ZNF333: variants seen among roughly 807,000 people sequenced by gnomAD.
The protein encoded by ZNF333 is zinc finger protein 333.
A neutral mutation model predicts 76.1 loss-of-function variants in ZNF333; 61 were observed. That is an observed-to-expected ratio of 0.80 (90% confidence interval 0.65 to 0.99). The LOEUF is 0.99. ZNF333 is among the 50% of genes least tolerant of loss of function. The pLI is 0.00. For missense variants in ZNF333, 717 were observed against 822.4 expected, an observed-to-expected ratio of 0.87 and a Z score of 1.57; for synonymous variants, 284 against 305.0, an observed-to-expected ratio of 0.93 and a Z score of 0.72.
chr19:14,727,510 T>C (rs987641782), intron 11 of ZNF333, among the ~76,000 whole-genome samples: 1 of 152,070 alleles, frequency 6.6e-6, no homozygotes, highest in Non-Finnish European at 1.5e-5. Context: ...CCATACTCTT[T>C]TAAACAACCT....
rs113959603 is a variant in ZNF333, at chr19:14,712,225, G to GT, written c.512-3145dup. 4.5e-3 allele frequency among the ~76,000 whole-genome samples: 643 copies of GT among 143,772 alleles called. 3 individuals carry two copies. The highest frequency in any genetic ancestry group is 0.013 in the African/African-American group (496 of 39,594). 94.3% of individuals were successfully genotyped at this position (143,772 alleles called of 152,430 possible). Reference sequence around the variant, plus strand: ...AGGCTTTGGGAGGACGGTGATGAGTGTTTTTTTTTTTTAAGACATAGTCTT... The same window carrying GT: ...AGGCTTTGGGAGGACGGTGATGAGTGTTTTTTTTTTTTTAAGACATAGTCTT... On this transcript the variant is annotated intron_variant, in intron 7 of 11. Coordinates refer to ENST00000292530, the MANE Select transcript of ZNF333 (RefSeq NM_032433.4).
chr19:14,701,589 C>A (rs1400081485), intron 5 of ZNF333: 1 of 985,298 alleles, frequency 1.0e-6, no homozygotes, highest in East Asian at 1.1e-4. Flanking sequence ...AGCAGGTGGA[C>A]CCCATGTGAA....
At position 14,695,149 on chromosome 19, in the gene ZNF333, C is replaced by T. The variant is rs375123361; in HGVS notation, c.127+16C>T. On this transcript the variant is annotated intron_variant, in intron 3 of 11. Transcript: ENST00000292530. ...GCCTCCAGGGGTAAGGCTGGCGTCACCTGGCTCCTTCCTGTACGCAGGCAC... is the reference window on the plus strand; with the variant it reads ...GCCTCCAGGGGTAAGGCTGGCGTCATCTGGCTCCTTCCTGTACGCAGGCAC... 5.0e-5 allele frequency: 81 copies of T among 1,611,280 alleles called. No homozygotes were observed. The highest frequency in any genetic ancestry group is 6.5e-5 in the Non-Finnish European group (77 of 1,178,184).
intron 1 of ZNF333, among the ~76,000 whole-genome samples, chr19:14,690,904 C>T (rs1972718052): frequency 6.6e-6 from 1 of 152,110 alleles, no homozygotes; most frequent in African/African-American, 2.4e-5. Context: ...ACCAGCCTGG[C>T]CAACATGGTG....
chr19:14,705,542 G>A (rs2042084345), intron 6 of ZNF333, among the ~76,000 whole-genome samples: 1 of 152,230 alleles, frequency 6.6e-6, no homozygotes, highest in South Asian at 2.1e-4. Flanking sequence ...CAGGCTCAGG[G>A]AAGTGAGGAC....
At chr19:14,692,668 A>G (rs959218223) in intron 1 of ZNF333, among the ~76,000 whole-genome samples, 1 of 152,084 alleles carries the variant, frequency 6.6e-6, no homozygotes, top group African/African-American at 2.4e-5. Context: ...GTGTGCCACC[A>G]TGCCCAGCTA....
chr19:14,695,450 C>T, intron 3 of ZNF333, 116 bp from the exon 4 acceptor site: 1 of 1,037,894 alleles, frequency 9.6e-7, no homozygotes, highest in African/African-American at 1.6e-5. Context: ...CTTGCTCAGC[C>T]CAGAGAATCT....
chr19:14,698,935 T>TATAGATAGATAGATATATATAC lies in ZNF333; in HGVS notation c.224-263_224-262insTAGATAGATAGATATATATACA, dbSNP rs1180611568. 7.9e-5 allele frequency among the ~76,000 whole-genome samples: 11 copies of TATAGATAGATAGATATATATAC among 139,362 alleles called. No homozygotes were observed. The South Asian group carries it at 2.2e-3, about 28-fold the overall frequency. The allele number at this position is 139,362 out of a possible 152,430, so 91.4% of individuals were successfully genotyped here. A position where few individuals can be genotyped will look rare whatever the true frequency, so the allele number is the denominator to read the frequency against. ...ATATATATATATATATATATATATA[T>TATAGATAGATAGATATATATAC]ACACACATATATATTTTCAATTTTA... On this transcript the variant is annotated intron_variant, in intron 4 of 11. Transcript: ENST00000292530.
chr19:14,728,943 G>A (rs2042650412), intron 11 of ZNF333, among the ~76,000 whole-genome samples: 2 of 152,176 alleles, frequency 1.3e-5, no homozygotes, highest in African/African-American at 2.4e-5. Flanking sequence ...AAGCTGACCC[G>A]ATTGGCTACT....
chr19:14,710,352 G>A (rs933012132), intron 7 of ZNF333, among the ~76,000 whole-genome samples: 1 of 152,232 alleles, frequency 6.6e-6, no homozygotes, highest in Non-Finnish European at 1.5e-5. Flanking sequence ...CTAGACTTGG[G>A]GGTTGAGTGT....
chr19:14,718,350 A>G lies in ZNF333; in HGVS notation c.1023A>G (p.Gln341=), dbSNP rs2042498061. ...CTGGAGAGGCATCCTGTGAATGTCA[A>G]GAGATTAGAAATTCCTTCTTCCAGA... The part of the protein sequence containing the change: ...IHAGEASCEC[Q]EIRNSFFQSA... Residue 341 remains glutamine, a synonymous_variant, in exon 12 of 12, where the codon CAA becomes CAG. Transcript: ENST00000292530. The G allele has an allele frequency of 6.2e-7, 1 of 1,614,120 alleles. No homozygotes were observed.
At chr19:14,731,840 T>C (rs140328169) in exon 12 of ZNF333, 1 of 152,268 alleles carries the variant, frequency 6.6e-6, no homozygotes, top group African/African-American at 2.4e-5. Flanking sequence ...CCATCATAAA[T>C]AAAGAGAATG....
chr19:14,715,152 C>T (rs117164987), intron 7 of ZNF333: 49 of 490,690 alleles, frequency 1.0e-4, no homozygotes, highest in East Asian at 7.3e-4. Context: ...TATATGTGTG[C>T]GTGTTTGTGT....
intron 4 of ZNF333, among the ~76,000 whole-genome samples, chr19:14,697,982 A>G (rs1379463169): frequency 6.6e-6 from 1 of 152,190 alleles, no homozygotes; most frequent in Non-Finnish European, 1.5e-5. Flanking sequence ...ATTCTTAGCT[A>G]GGAAATTGCC....
chr19:14,694,360 C>T (rs1973006784), intron 2 of ZNF333, among the ~76,000 whole-genome samples: 1 of 152,002 alleles, frequency 6.6e-6, no homozygotes, highest in African/African-American at 2.4e-5. Flanking sequence ...GTAATCCCAG[C>T]TACTTGGGAG....
chr19:14,712,668 G>A (rs985178944), intron 7 of ZNF333, among the ~76,000 whole-genome samples: 2 of 152,098 alleles, frequency 1.3e-5, no homozygotes, highest in Admixed American at 6.5e-5. Flanking sequence ...AGCCCTTGGT[G>A]CTCCTTGGCT....
At chr19:14,705,793 C>A (rs927872218) in intron 6 of ZNF333, among the ~76,000 whole-genome samples, 2 of 152,166 alleles carry the variant, frequency 1.3e-5, no homozygotes, top group African/African-American at 4.8e-5. Flanking sequence ...AGGCTGCAGG[C>A]TCCTTATGAG....
At chr19:14,692,814 G>A (rs140645304) in intron 1 of ZNF333, among the ~76,000 whole-genome samples, 15 of 141,208 alleles carry the variant, frequency 1.1e-4, no homozygotes, top group Admixed American at 3.6e-4. Flanking sequence ...TGCTTGACCT[G>A]GACCTTATTC....
In ZNF333 at chr19:14,717,680, G is replaced by A; in HGVS notation, c.847G>A (p.Ala283Thr). 6 of 1,614,052 alleles carry A rather than the reference G, an allele frequency of 3.7e-6. No individual in the cohort carries two copies. Among genetic ancestry groups the A allele is most frequent in the Non-Finnish European group, 5.1e-6 (6 of 1,179,982 alleles). The change falls in exon 11 of 12, where the codon GCA (alanine) becomes ACA (threonine). Residue 283 changes from alanine to threonine, a missense_variant. Coordinates refer to ENST00000292530, the MANE Select transcript of ZNF333 (RefSeq NM_032433.4). ...CAEPQCQPQE[A>T]IPSQDTFTEI... ...AGAACCTCAGTGTCAACCCCAAGAG[G>A]CAATTCCTAGCCAAGATACTTTTAC...
Sources: gnomAD v4.1 joint callset for allele counts (sites outside exome capture counted in the v4.1 genomes callset) on GRCh38, gnomAD v4.1.1 for gene constraint, MANE v1.5 for transcripts, NCBI Gene and HGNC (gene_info 2026-07-23, HGNC 2026-07-21) for gene names.